AKAP3: variants seen among roughly 807,000 people sequenced by gnomAD.
AKAP3 encodes the protein A-kinase anchoring protein 3.
A neutral mutation model predicts 57.2 loss-of-function variants in AKAP3; 27 were observed. The observed-to-expected ratio is 0.47, with a 90% CI of 0.35 to 0.65. The LOEUF (loss-of-function observed/expected upper bound fraction) is 0.65, where lower values mean the gene tolerates loss of function less well. Ranked by LOEUF, AKAP3 falls within the 30% of genes least tolerant of loss-of-function variation. AKAP3 has a pLI of 0.01. For missense variants in AKAP3, 959 were observed against 1,040.0 expected, an observed-to-expected ratio of 0.92 and a Z score of 1.07; for synonymous variants, 334 against 392.3, an observed-to-expected ratio of 0.85 and a Z score of 1.76.
Position 4,627,717 on chromosome 12 carries a change from C to T in AKAP3, c.1185G>A (p.Arg395=). 1 of 1,614,170 alleles carries T rather than the reference C, an allele frequency of 6.2e-7. No individual in the cohort carries two copies. The highest frequency in any genetic ancestry group is 1.3e-5 in the African/African-American group (1 of 75,064). ...MFAKKVPEHV[R]KAQDKAESYS... ...AACTCTCAGCCTTGTCTTGGGCTTT[C>T]CTGACATGCTCAGGGACTTTCTTGG... Residue 395 remains arginine, a synonymous_variant, in exon 5 of 6, where the codon AGG becomes AGA. Coordinates refer to ENST00000228850, the MANE Select transcript of AKAP3 (RefSeq NM_001278309.2).
chr12:4,616,693 TAGC>T (rs1254981329), intron 5 of AKAP3, among the ~76,000 whole-genome samples: 4 of 152,134 alleles, frequency 2.6e-5, no homozygotes, highest in Non-Finnish European at 4.4e-5. Context: ...ATGGGCTAAA[TAGC>T]AGAATGTAAA....
intron 2 of AKAP3, among the ~76,000 whole-genome samples, chr12:4,643,974 T>G (rs1945667880): frequency 6.6e-6 from 1 of 152,222 alleles, no homozygotes; most frequent in Admixed American, 6.5e-5. Flanking sequence ...TATTACTAGT[T>G]TTGAGAGGGA....
At position 4,631,431 on chromosome 12, in the gene AKAP3, G is replaced by A. The variant is rs956413206; in HGVS notation, c.97-2626C>T. 3 of 680,280 alleles carry A rather than the reference G, an allele frequency of 4.4e-6. No homozygotes were observed. In the African/African-American group the frequency reaches 5.4e-5, roughly 12 times the overall value. 42.1% of individuals were successfully genotyped at this position (680,280 alleles called of 1,614,324 possible). A position where few individuals can be genotyped will look rare whatever the true frequency, so the allele number is the denominator to read the frequency against. On this transcript the variant is annotated intron_variant, in intron 4 of 5. Coordinates refer to ENST00000228850, the MANE Select transcript of AKAP3 (RefSeq NM_001278309.2). ...TTTTTGCCACAAAGTGGGGCTGAAAGTTTAGAATTGAAGCTATAAACTGTC... is the reference window on the plus strand; with the variant it reads ...TTTTTGCCACAAAGTGGGGCTGAAAATTTAGAATTGAAGCTATAAACTGTC...
intron 4 of AKAP3, 85 bp downstream of exon 4, chr12:4,638,016 G>T: frequency 2.7e-6 from 3 of 1,112,180 alleles, no homozygotes; most frequent in Non-Finnish European, 2.7e-6. Context: ...ATAAGAGGTT[G>T]GTGGTATGGT....
intron 5 of AKAP3, among the ~76,000 whole-genome samples, chr12:4,619,037 T>C (rs1428802254): frequency 6.6e-6 from 1 of 152,212 alleles, no homozygotes; most frequent in East Asian, 1.9e-4. Context: ...AAAGAATATA[T>C]ATGAATGGCT....
intron 5 of AKAP3, among the ~76,000 whole-genome samples, chr12:4,622,441 C>G (rs558980628): frequency 1.3e-5 from 2 of 152,146 alleles, no homozygotes; most frequent in African/African-American, 4.8e-5. Flanking sequence ...GACATACAGA[C>G]CAATGGAACA....
At chr12:4,623,805 G>A (rs867308710) in intron 5 of AKAP3, among the ~76,000 whole-genome samples, 6 of 152,086 alleles carry the variant, frequency 3.9e-5, no homozygotes, top group Non-Finnish European at 7.4e-5. Flanking sequence ...CACAGAAGAG[G>A]AAATTCAAAT....
At chr12:4,646,931 C>T (rs1487293548) in intron 1 of AKAP3, among the ~76,000 whole-genome samples, 2 of 151,978 alleles carry the variant, frequency 1.3e-5, no homozygotes, top group East Asian at 1.9e-4. Context: ...TACAGGTGCA[C>T]ACCACCACAC....
chr12:4,622,465 A>G (rs1223852985), intron 5 of AKAP3, among the ~76,000 whole-genome samples: 1 of 152,136 alleles, frequency 6.6e-6, no homozygotes, highest in Admixed American at 6.5e-5. Flanking sequence ...TAGAGAGCCC[A>G]AAAATAAGGC....
rs1945732474 is a variant in AKAP3, at chr12:4,648,833, T to C, written c.-333A>G. ...TCTTCTACCTCGGGTCTTGCCATTT[T>C]GCATGTCCTGAGTCAGTCACTGGTT... On this transcript the variant is annotated 5_prime_UTR_variant, in exon 1 of 6. Transcript: ENST00000228850. 1.8e-5 allele frequency: 7 copies of C among 388,906 alleles called. No homozygotes were observed. The South Asian group carries it at 3.0e-4, about 16-fold the overall frequency. The allele number at this position is 388,906 out of a possible 1,614,324, so 24.1% of individuals were successfully genotyped here.
intron 4 of AKAP3, chr12:4,631,481 T>G (rs1443304563): frequency 1.7e-6 from 1 of 598,774 alleles, no homozygotes; most frequent in African/African-American, 1.9e-5. Flanking sequence ...TATCACTATG[T>G]GTCTGTAATT....
intron 5 of AKAP3, among the ~76,000 whole-genome samples, chr12:4,616,888 C>G (rs1312063637): frequency 2.0e-5 from 3 of 152,036 alleles, no homozygotes; most frequent in Non-Finnish European, 4.4e-5. Flanking sequence ...AAGAGAAAAG[C>G]GATGATGCAA....
At chr12:4,636,848 C>A (rs11614450) in intron 4 of AKAP3, among the ~76,000 whole-genome samples, 8,871 of 152,208 alleles carry the variant, frequency 0.058, 383 homozygotes, top group South Asian at 0.12. Context: ...CTCCTGGGCT[C>A]AAGTGATTCT....
intron 3 of AKAP3, among the ~76,000 whole-genome samples, chr12:4,639,392 G>C (rs1031641381): frequency 6.2e-5 from 9 of 144,384 alleles, no homozygotes; most frequent in African/African-American, 1.0e-4. Flanking sequence ...TTTTTCTTTT[G>C]GGGGGTGCAG....
Position 4,615,812 on chromosome 12 carries a change from T to C in AKAP3, c.2489A>G (p.Glu830Gly), listed in dbSNP as rs775098469. 4.3e-6 allele frequency: 7 copies of C among 1,614,204 alleles called. 1 individual carries two copies. The South Asian group carries it at 7.7e-5, about 18-fold the overall frequency. The change falls in exon 6 of 6, where the codon GAG becomes GGG. Residue 830 changes from glutamate (E) to glycine (G), a missense_variant. Physicochemically the swap from Glu to Gly is moderately conservative, Grantham distance 98. Transcript: ENST00000228850. The part of the protein sequence containing the change: ...VLQSVLRYEK[E>G]RQLNEAVGNV... ...CCCCACCGCCTCATTCAGCTGGCGC[T>C]CCTTCTCATAGCGCAGCACCGACTG...
At chr12:4,633,692 TAAG>T (rs146150666) in intron 4 of AKAP3, among the ~76,000 whole-genome samples, 4,385 of 132,842 alleles carry the variant, frequency 0.033, 128 homozygotes, top group South Asian at 0.074. Context: ...AAGGAGAATA[TAAG>T]AAGAGGTCAT....
Position 4,627,222 on chromosome 12 carries a change from A to G in AKAP3, c.1680T>C (p.Pro560=), listed in dbSNP as rs199611285. 11 of 1,614,126 alleles carry G rather than the reference A, an allele frequency of 6.8e-6. No individual in the cohort carries two copies. Among genetic ancestry groups the G allele is most frequent in the Non-Finnish European group, 8.5e-6 (10 of 1,180,018 alleles). Residue 560 remains proline (P), a synonymous_variant, in exon 5 of 6, where the codon CCT becomes CCC. Transcript: ENST00000228850. ...CGGGAGCTACAGGAGGTTCATTGGC[A>G]GGAAAGTTGGTGGTGCCAGCAGCTT... ...FVEAAGTTNF[P]ANEPPVAPDE... is the part of the protein sequence containing the mutation.
intron 4 of AKAP3, chr12:4,631,284 G>A (rs755698733): frequency 1.4e-6 from 1 of 699,650 alleles, no homozygotes; most frequent in South Asian, 1.5e-5. Context: ...TGAGGCAACA[G>A]AAAATCTGTT....
intron 5 of AKAP3, among the ~76,000 whole-genome samples, chr12:4,617,494 T>C (rs1945299059): frequency 6.6e-6 from 1 of 152,244 alleles, no homozygotes; most frequent in South Asian, 2.1e-4. Context: ...GGCTCACGCC[T>C]GTAATCCCAG....
Sources: allele counts gnomAD v4.1 joint callset (sites outside exome capture counted in the v4.1 genomes callset), GRCh38; gene constraint gnomAD v4.1.1; transcripts MANE v1.5; gene names NCBI Gene and HGNC (gene_info 2026-07-23, HGNC 2026-07-21).